Variants in GPATCH2 observed in about 807,000 individuals in gnomAD.
The protein encoded by GPATCH2 is G-patch domain containing 2, also known as G patch domain-containing protein 2.
GPATCH2 carries 51 observed loss-of-function variants against 58.0 expected under a neutral mutation model. The ratio of observed to expected loss-of-function variants is 0.88; its 90% CI spans 0.70 to 1.11. The LOEUF is 1.11. Among genes scored for constraint, GPATCH2 ranks in the 50% most tolerant of loss-of-function variants. GPATCH2 has a pLI of 0.00. For missense variants in GPATCH2, 625 were observed against 652.2 expected (o/e 0.96, Z 0.45); for synonymous variants, 222 against 218.5 (o/e 1.02, Z -0.14).
chr1:217,452,978 C>G (rs754399201), intron 8 of GPATCH2, among the ~76,000 whole-genome samples: 3 of 152,188 alleles, frequency 2.0e-5, no homozygotes, highest in African/African-American at 2.4e-5. Flanking sequence ...CCCACACCCC[C>G]CTTCTTTCAG....
intron 9 of GPATCH2, among the ~76,000 whole-genome samples, chr1:217,434,067 A>G (rs145703762): frequency 0.014 from 2,092 of 152,356 alleles, 141 homozygotes; most frequent in Admixed American, 0.12. Context: ...AGAACTAGCC[A>G]ATGATTAATT....
intron 5 of GPATCH2, among the ~76,000 whole-genome samples, chr1:217,524,214 CT>C (rs1663680827): frequency 1.5e-5 from 1 of 64,974 alleles, no homozygotes; most frequent in African/African-American, 4.0e-5. Context: ...CTCCTCACTT[CT>C]CAGACAGGGC....
At chr1:217,486,488 C>T (rs1661459190) in intron 8 of GPATCH2, among the ~76,000 whole-genome samples, 1 of 152,166 alleles carries the variant, frequency 6.6e-6, no homozygotes, top group Non-Finnish European at 1.5e-5. Flanking sequence ...GCAGCCTCGA[C>T]TGCCCAGTTA....
chr1:217,596,838 T>C (rs902607521), intron 5 of GPATCH2, among the ~76,000 whole-genome samples: 1 of 152,098 alleles, frequency 6.6e-6, no homozygotes, highest in Non-Finnish European at 1.5e-5. Context: ...CTATCTGAAT[T>C]TTAAAACCTG....
intron 8 of GPATCH2, among the ~76,000 whole-genome samples, chr1:217,489,749 C>T (rs766506562): frequency 8.0e-4 from 121 of 152,180 alleles, no homozygotes; most frequent in Non-Finnish European, 1.5e-3. Flanking sequence ...GTAATCCCAG[C>T]TACTTGGGAG....
At chr1:217,580,424 T>C (rs1440146919) in intron 5 of GPATCH2, among the ~76,000 whole-genome samples, 1 of 152,090 alleles carries the variant, frequency 6.6e-6, no homozygotes, top group Non-Finnish European at 1.5e-5. Flanking sequence ...AGCTAATAGG[T>C]AAACAATTTT....
At chr1:217,557,377 C>A (rs1571913715) in intron 5 of GPATCH2, among the ~76,000 whole-genome samples, 1 of 148,516 alleles carries the variant, frequency 6.7e-6, no homozygotes, top group Non-Finnish European at 1.5e-5. Flanking sequence ...CCACTGTACT[C>A]CAGCCTGGGC....
rs1488959971 is a variant in GPATCH2 at position 217,630,927 on chromosome 1, G to A, written c.45C>T (p.Ala15=). 2.5e-6 allele frequency: 4 copies of A among 1,589,504 alleles called. No individual in the cohort carries two copies. Among genetic ancestry groups the A allele is most frequent in the East Asian group, 4.5e-5 (2 of 44,178 alleles). Reference sequence around the variant, plus strand: ...GCCGCCAGCCTCACCAGCTGTTCCCGGCTGCTGGAGCTCCGATCGGTTGGC... The same window carrying A: ...GCCGCCAGCCTCACCAGCTGTTCCCAGCTGCTGGAGCTCCGATCGGTTGGC... ...AGRQPIGAPA[A]GNSWHFSRTM... Residue 15 remains alanine (A), a synonymous_variant, in exon 1 of 10, where the codon GCC becomes GCT. Coordinates refer to ENST00000366935, the MANE Select transcript of GPATCH2 (RefSeq NM_018040.5).
intron 6 of GPATCH2, among the ~76,000 whole-genome samples, chr1:217,506,844 G>C (rs1662589578): frequency 6.6e-6 from 1 of 152,122 alleles, no homozygotes; most frequent in African/African-American, 2.4e-5. Flanking sequence ...TGCCTGAAAA[G>C]CTCTTCTTGC....
chr1:217,437,452 C>G (rs1571697412), intron 9 of GPATCH2, among the ~76,000 whole-genome samples: 1 of 152,178 alleles, frequency 6.6e-6, no homozygotes, highest in Admixed American at 6.5e-5. Context: ...CATCCCACCC[C>G]CATGAAGCCC....
chr1:217,498,329 T>C, intron 7 of GPATCH2, 27 bp downstream of exon 7: 1 of 1,578,002 alleles, frequency 6.3e-7, no homozygotes, highest in Middle Eastern at 1.7e-4. Flanking sequence ...GCTGAGTAAC[T>C]TCCTTTTGGA....
intron 8 of GPATCH2, among the ~76,000 whole-genome samples, chr1:217,486,769 G>A (rs1166567915): frequency 6.6e-6 from 1 of 152,188 alleles, no homozygotes; most frequent in Non-Finnish European, 1.5e-5. Context: ...GAAAACCACA[G>A]TCATCACACC....
At chr1:217,509,077 C>A (rs1033616824) in intron 6 of GPATCH2, among the ~76,000 whole-genome samples, 11 of 152,242 alleles carry the variant, frequency 7.2e-5, no homozygotes, top group Non-Finnish European at 1.2e-4. Context: ...TGGTGGCGCA[C>A]GCCCATAATC....
intron 8 of GPATCH2, among the ~76,000 whole-genome samples, chr1:217,453,722 T>C (rs975129204): frequency 6.6e-6 from 1 of 152,138 alleles, no homozygotes; most frequent in Non-Finnish European, 1.5e-5. Context: ...GAGAACCACC[T>C]TGCCTGAAAA....
At chr1:217,585,724 T>A (rs1344458023) in intron 5 of GPATCH2, among the ~76,000 whole-genome samples, 1 of 152,186 alleles carries the variant, frequency 6.6e-6, no homozygotes. Context: ...TGCACAAATA[T>A]GTAGCACTAA....
chr1:217,553,104 T>C (rs1342096146), intron 5 of GPATCH2, among the ~76,000 whole-genome samples: 2 of 151,964 alleles, frequency 1.3e-5, no homozygotes, highest in Non-Finnish European at 2.9e-5. Context: ...TCTAGAATGT[T>C]AAAAAATAGT....
Position 217,428,594 on chromosome 1 carries a change from A to T in GPATCH2, c.*2551T>A, listed in dbSNP as rs1277329377. The T allele has an allele frequency of 6.6e-6, 1 of 152,198 alleles. No individual in the cohort carries two copies. Among genetic ancestry groups the T allele is most frequent in the African/African-American group, 2.4e-5 (1 of 41,442 alleles). The allele number at this position is 152,198 out of a possible 1,614,324, so 9.4% of individuals were successfully genotyped here. ...AAGTATGGGGGAAGCTTGGGATGTT[A>T]TCACTTCTCTGCTTTGAGTGCTGAT... On this transcript the variant is annotated 3_prime_UTR_variant, in exon 10 of 10. Transcript: ENST00000366935.
At chr1:217,435,971 G>T (rs1219938604) in intron 9 of GPATCH2, among the ~76,000 whole-genome samples, 1 of 152,000 alleles carries the variant, frequency 6.6e-6, no homozygotes, top group Non-Finnish European at 1.5e-5. Flanking sequence ...AAATAGTTAA[G>T]TGCATAAATA....
chr1:217,630,347 C>T (rs1462079415), intron 1 of GPATCH2, among the ~76,000 whole-genome samples: 1 of 152,120 alleles, frequency 6.6e-6, no homozygotes, highest in East Asian at 1.9e-4. Flanking sequence ...CATAGTCAAG[C>T]CCCAAACTTA....
Sources: allele counts gnomAD v4.1 joint callset (sites outside exome capture counted in the v4.1 genomes callset), GRCh38; gene constraint gnomAD v4.1.1; transcripts MANE v1.5; gene names NCBI Gene and HGNC (gene_info 2026-07-23, HGNC 2026-07-21).